The following VPS13B variants were observed in gnomAD, a reference collection of about 807,000 sequenced individuals.
The protein encoded by VPS13B is intermembrane lipid transfer protein VPS13B.
In VPS13B, 285 loss-of-function variants were observed where a neutral mutation model predicts 426.4. The ratio of observed to expected loss-of-function variants is 0.67; its 90% CI spans 0.61 to 0.74. The LOEUF is 0.74. Ranked by LOEUF, VPS13B falls within the 30% of genes least tolerant of loss-of-function variation. VPS13B has a pLI of 0.00. For missense variants in VPS13B, 4,537 were observed against 4,782.6 expected (o/e 0.95, Z 1.51); for synonymous variants, 1,676 against 1,676.4 (o/e 1.00, Z 0.01).
chr8:99,058,280 A>T lies in VPS13B; in HGVS notation c.291+19714A>T, dbSNP rs187315221. Among the ~76,000 whole-genome samples the T allele has an allele frequency of 6.3e-3, 951 of 152,038 alleles. 5 individuals carry two copies. Among genetic ancestry groups the T allele is most frequent in the African/African-American group, 0.021 (885 of 41,522 alleles). ...TTCTCTTAAGTCAGATTTAAAAAAA[A>T]ATATAATGCCCCCTTTTTTTATTTT... is the stretch of plus-strand genomic sequence containing the variant. On this transcript the variant is annotated intron_variant, in intron 3 of 61. Coordinates refer to ENST00000357162, the MANE Select transcript of VPS13B (RefSeq NM_152564.5).
At chr8:99,721,710 T>C (rs1833141713) in intron 39 of VPS13B, among the ~76,000 whole-genome samples, 2 of 152,140 alleles carry the variant, frequency 1.3e-5, no homozygotes, top group African/African-American at 4.8e-5. Flanking sequence ...CCACTCAAAA[T>C]CTACAGGTCA....
At chr8:99,661,610 C>G (rs1830226903) in intron 35 of VPS13B, 119 bp downstream of exon 35, 1 of 1,286,880 alleles carries the variant, frequency 7.8e-7, no homozygotes, top group East Asian at 2.5e-5. Flanking sequence ...TCATTTTTTC[C>G]CAGAGGTGTA....
chr8:99,078,650 G>A (rs888116684), intron 3 of VPS13B, among the ~76,000 whole-genome samples: 47 of 152,158 alleles, frequency 3.1e-4, no homozygotes, highest in African/African-American at 1.1e-3. Flanking sequence ...TGTCCAGGCA[G>A]CTTTTCTGGG....
At chr8:99,332,318 C>A (rs1203046267) in intron 19 of VPS13B, among the ~76,000 whole-genome samples, 2 of 151,542 alleles carry the variant, frequency 1.3e-5, no homozygotes, top group Non-Finnish European at 3.0e-5. Flanking sequence ...TTATTTTTAA[C>A]AAGTCCCAAA....
At chr8:99,706,994 A>T (rs1832523685) in intron 36 of VPS13B, among the ~76,000 whole-genome samples, 1 of 152,136 alleles carries the variant, frequency 6.6e-6, no homozygotes, top group Non-Finnish European at 1.5e-5. Flanking sequence ...CTGAGTGATG[A>T]GTAACTGACA....
At chr8:99,234,872 T>C (rs891160979) in intron 17 of VPS13B, among the ~76,000 whole-genome samples, 9 of 152,036 alleles carry the variant, frequency 5.9e-5, no homozygotes, top group African/African-American at 1.9e-4. Context: ...AAAGGAGAAA[T>C]AGAATGTTTG....
At chr8:99,530,795 A>G (rs942634171) in intron 30 of VPS13B, among the ~76,000 whole-genome samples, 5 of 152,140 alleles carry the variant, frequency 3.3e-5, no homozygotes, top group African/African-American at 7.2e-5. Flanking sequence ...TATTTTAGAA[A>G]TAAAATATTC....
At chr8:99,449,149 T>C (rs1818067277) in intron 23 of VPS13B, among the ~76,000 whole-genome samples, 1 of 152,116 alleles carries the variant, frequency 6.6e-6, no homozygotes, top group Non-Finnish European at 1.5e-5. Context: ...TGGGACAGAA[T>C]AGAGAGAAAT....
intron 33 of VPS13B, among the ~76,000 whole-genome samples, chr8:99,627,043 A>G (rs1245310058): frequency 1.3e-5 from 2 of 152,226 alleles, no homozygotes; most frequent in Non-Finnish European, 2.9e-5. Flanking sequence ...TCGATCTCAC[A>G]TGTGAAATCT....
intron 33 of VPS13B, among the ~76,000 whole-genome samples, chr8:99,617,046 A>G (rs1001817384): frequency 9.9e-5 from 15 of 152,232 alleles, no homozygotes; most frequent in Admixed American, 5.2e-4. Flanking sequence ...GTAAAGTGGT[A>G]GCATATTACA....
chr8:99,389,391 A>G (rs184224272), intron 20 of VPS13B, among the ~76,000 whole-genome samples: 1 of 152,240 alleles, frequency 6.6e-6, no homozygotes, highest in East Asian at 1.9e-4. Flanking sequence ...TGCAAGGGCT[A>G]GGGACACCAA....
chr8:99,780,379 A>G (rs888401245), intron 42 of VPS13B, among the ~76,000 whole-genome samples: 19 of 152,186 alleles, frequency 1.2e-4, no homozygotes, highest in Admixed American at 5.2e-4. Context: ...ATGTGTAGCA[A>G]CTACTGCAAA....
intron 24 of VPS13B, among the ~76,000 whole-genome samples, chr8:99,467,984 C>G (rs189850702): frequency 9.6e-4 from 146 of 152,248 alleles, no homozygotes; most frequent in Non-Finnish European, 1.6e-3. Flanking sequence ...TCACTCAGAA[C>G]TTCTTTGCTT....
rs533636630 is a variant in VPS13B, at chr8:99,414,578, T to C, written c.3083-16959T>C. Among the ~76,000 whole-genome samples the C allele has an allele frequency of 1.4e-4, 21 of 152,294 alleles. 1 individual carries two copies. The South Asian group carries it at 2.9e-3, about 21-fold the overall frequency. ...GTACTGGTTTTTCCTTTTTATGTTT[T>C]ATGCTTCGTTCAGAAGCTCTTGTAA... On this transcript the variant is annotated intron_variant, in intron 21 of 61. Coordinates refer to ENST00000357162, the MANE Select transcript of VPS13B (RefSeq NM_152564.5).
intron 39 of VPS13B, among the ~76,000 whole-genome samples, chr8:99,738,867 A>G (rs2130455456): frequency 6.6e-6 from 1 of 152,320 alleles, no homozygotes; most frequent in Non-Finnish European, 1.5e-5. Context: ...CTGAATAGGA[A>G]CAGCTCCAGT....
chr8:99,156,491 C>T (rs1307268052), intron 14 of VPS13B, 58 bp from the exon 15 acceptor site: 2 of 1,565,538 alleles, frequency 1.3e-6, no homozygotes, highest in African/African-American at 1.3e-5. Flanking sequence ...ATAGAGGGAA[C>T]TGCAACTCAG....
At chr8:99,184,575 T>C (rs561045800) in intron 16 of VPS13B, among the ~76,000 whole-genome samples, 6 of 152,362 alleles carry the variant, frequency 3.9e-5, no homozygotes, top group East Asian at 3.9e-4. Context: ...TCATCTAATA[T>C]TTTAATTCAA....
intron 8 of VPS13B, among the ~76,000 whole-genome samples, chr8:99,131,010 A>T (rs769218746): frequency 1.3e-5 from 2 of 152,188 alleles, no homozygotes; most frequent in Non-Finnish European, 2.9e-5. Context: ...TGGTTTTTTT[A>T]AAAATGTGAG....
At chr8:99,322,792 A>T (rs974935394) in intron 19 of VPS13B, among the ~76,000 whole-genome samples, 1 of 152,258 alleles carries the variant, frequency 6.6e-6, no homozygotes, top group Non-Finnish European at 1.5e-5. Flanking sequence ...AAAGAAAAGG[A>T]ATAATCATCA....
Sources: allele counts gnomAD v4.1 joint callset (sites outside exome capture counted in the v4.1 genomes callset), GRCh38; gene constraint gnomAD v4.1.1; transcripts MANE v1.5; gene names NCBI Gene and HGNC (gene_info 2026-07-23, HGNC 2026-07-21).